Variants in BMPR1A observed in about 807,000 individuals in gnomAD.
The protein encoded by BMPR1A is bone morphogenetic protein receptor type-1A.
A neutral mutation model predicts 66.0 loss-of-function variants in BMPR1A; 7 were observed. The observed-to-expected ratio is 0.11, with a 90% confidence interval of 0.06 to 0.20. BMPR1A has a LOEUF of 0.20. BMPR1A is among the 10% of genes least tolerant of loss of function. BMPR1A has a pLI of 1.00. For synonymous variants in BMPR1A, 200 were observed against 229.7 expected (o/e 0.87, Z 1.17); for missense variants, 408 against 669.1 (o/e 0.61, Z 4.31).
intron 2 of BMPR1A, among the ~76,000 whole-genome samples, chr10:86,873,438 T>TA (rs56028836): frequency 0.16 from 21,266 of 136,806 alleles, 2,376 homozygotes; most frequent in East Asian, 0.65. Context: ...CCTATTAAAT[T>TA]AAAAAAAAAA....
At chr10:86,814,655 T>G (rs1442388664) in intron 1 of BMPR1A, among the ~76,000 whole-genome samples, 1 of 152,210 alleles carries the variant, frequency 6.6e-6, no homozygotes, top group Non-Finnish European at 1.5e-5. Context: ...TGTTTTTAGC[T>G]CATTTTGAAA....
chr10:86,896,694 T>C (rs116852149), intron 5 of BMPR1A, among the ~76,000 whole-genome samples: 2,782 of 152,328 alleles, frequency 0.018, 51 homozygotes, highest in Middle Eastern at 0.031. Context: ...AACACTTCTA[T>C]TTCAAAATGA....
At chr10:86,918,282 T>G (rs1039062504) in intron 9 of BMPR1A, among the ~76,000 whole-genome samples, 3 of 151,356 alleles carry the variant, frequency 2.0e-5, no homozygotes, top group African/African-American at 4.9e-5. Context: ...TGACATGGAT[T>G]TTAGACATGA....
intron 1 of BMPR1A, among the ~76,000 whole-genome samples, chr10:86,758,367 ATTTT>A (rs200528013): frequency 4.3e-5 from 6 of 141,004 alleles, no homozygotes; most frequent in Non-Finnish European, 4.6e-5. Flanking sequence ...AAGAGGGAGA[ATTTT>A]TTTTTTTTTT....
At chr10:86,890,908 A>G (rs1244074578) in intron 4 of BMPR1A, among the ~76,000 whole-genome samples, 1 of 152,216 alleles carries the variant, frequency 6.6e-6, no homozygotes, top group Non-Finnish European at 1.5e-5. Context: ...ATATATGATC[A>G]TGTAATTCTA....
In BMPR1A at chr10:86,808,990, C is replaced by G. The variant is rs147478178; in HGVS notation, c.-267-29875C>G. On this transcript the variant is annotated intron_variant, in intron 1 of 12. Transcript: ENST00000372037. ...TGTAAATTATAATCCTGTCTTGGAA[C>G]AAAAGAACTTGAACTCATATTGAGT... Among the ~76,000 whole-genome samples the G allele has an allele frequency of 2.3e-3, 354 of 152,230 alleles. 2 individuals are homozygous for G. In the Middle Eastern group the frequency reaches 0.024, roughly 10 times the overall value.
intron 2 of BMPR1A, among the ~76,000 whole-genome samples, chr10:86,872,064 A>G (rs1842861231): frequency 6.6e-6 from 1 of 152,112 alleles, no homozygotes; most frequent in East Asian, 1.9e-4. Flanking sequence ...TCATTCTCAG[A>G]CTGCATGCAT....
chr10:86,758,471 G>A (rs942231960), intron 1 of BMPR1A, among the ~76,000 whole-genome samples: 1 of 149,662 alleles, frequency 6.7e-6, no homozygotes, highest in African/African-American at 2.5e-5. Context: ...TTTCTCTGTC[G>A]TATTTGGGTT....
chr10:86,845,563 G>A (rs1842472276), intron 2 of BMPR1A, among the ~76,000 whole-genome samples: 1 of 152,196 alleles, frequency 6.6e-6, no homozygotes, highest in African/African-American at 2.4e-5. Context: ...GCCCACCAGA[G>A]CCACAGTGCG....
rs1564685592 is a variant in BMPR1A at position 86,790,217 on chromosome 10, A to G, written c.-268+33298A>G. Among the ~76,000 whole-genome samples, 20 of 88,430 alleles carry G rather than the reference A, an allele frequency of 2.3e-4. 2 individuals carry two copies. Among genetic ancestry groups the G allele is most frequent in the Non-Finnish European group, 3.4e-4 (15 of 44,662 alleles). The allele number at this position is 88,430 out of a possible 152,430, so 58.0% of individuals were successfully genotyped here. On this transcript the variant is annotated intron_variant, in intron 1 of 12. Transcript: ENST00000372037. ...TATATATATATATATATATATATAT[A>G]TATATATATATATATATATCAAAAC...
At chr10:86,872,224 T>C (rs1175439192) in intron 2 of BMPR1A, among the ~76,000 whole-genome samples, 1 of 152,220 alleles carries the variant, frequency 6.6e-6, no homozygotes, top group African/African-American at 2.4e-5. Flanking sequence ...TGTTAGTGAC[T>C]TCCTTTGCCA....
intron 7 of BMPR1A, 21 bp from the exon 8 acceptor site, chr10:86,912,219 T>G (rs1430692838): frequency 6.2e-7 from 1 of 1,612,032 alleles, no homozygotes; most frequent in Non-Finnish European, 8.5e-7. Flanking sequence ...TAATGTAGAT[T>G]GTTTTCTGCT....
At chr10:86,836,401 A>G (rs906356558) in intron 1 of BMPR1A, among the ~76,000 whole-genome samples, 2 of 152,212 alleles carry the variant, frequency 1.3e-5, no homozygotes, top group Non-Finnish European at 2.9e-5. Flanking sequence ...CCTCTGAGTA[A>G]TGAAGTCAAA....
At chr10:86,764,914 A>T (rs1051483399) in intron 1 of BMPR1A, among the ~76,000 whole-genome samples, 1 of 152,220 alleles carries the variant, frequency 6.6e-6, no homozygotes. Flanking sequence ...GATACATTGG[A>T]TTAAAGAAAT....
chr10:86,790,776 A>G (rs966218421), intron 1 of BMPR1A, among the ~76,000 whole-genome samples: 1 of 152,222 alleles, frequency 6.6e-6, no homozygotes, highest in Non-Finnish European at 1.5e-5. Context: ...AGTGATAAAA[A>G]TGTACTGGAA....
intron 2 of BMPR1A, among the ~76,000 whole-genome samples, chr10:86,870,893 A>G (rs1025813237): frequency 7.9e-5 from 12 of 151,902 alleles, no homozygotes; most frequent in Admixed American, 4.6e-4. Context: ...TGCTTTTGCT[A>G]TTATCCCCTC....
chr10:86,828,438 C>G (rs1214833546), intron 1 of BMPR1A, among the ~76,000 whole-genome samples: 1 of 152,020 alleles, frequency 6.6e-6, no homozygotes, highest in African/African-American at 2.4e-5. Context: ...AACAAATAAG[C>G]CAGTAAGTAA....
At chr10:86,913,840 A>C (rs183738635) in intron 8 of BMPR1A, among the ~76,000 whole-genome samples, 1 of 152,174 alleles carries the variant, frequency 6.6e-6, no homozygotes, top group Non-Finnish European at 1.5e-5. Context: ...TTTTCCTCAA[A>C]TTGGTGTGTA....
intron 7 of BMPR1A, among the ~76,000 whole-genome samples, chr10:86,908,352 A>C (rs185497529): frequency 1.3e-5 from 2 of 152,342 alleles, no homozygotes; most frequent in East Asian, 3.9e-4. Context: ...ATCAGTTTTA[A>C]AAAGAACAAC....
Sources: allele counts gnomAD v4.1 joint callset (sites outside exome capture counted in the v4.1 genomes callset), GRCh38; gene constraint gnomAD v4.1.1; transcripts MANE v1.5; gene names NCBI Gene and HGNC (gene_info 2026-07-23, HGNC 2026-07-21).